The following LDLRAD3 variants were observed in gnomAD, a reference collection of about 807,000 sequenced individuals.
LDLRAD3 encodes low-density lipoprotein receptor class A domain-containing protein 3.
A neutral mutation model predicts 29.4 loss-of-function variants in LDLRAD3; 20 were observed. That is an observed-to-expected ratio of 0.68 (90% CI 0.48 to 0.99). The LOEUF is 0.99. LDLRAD3 is among the 50% of genes least tolerant of loss of function. The probability of loss-of-function intolerance (pLI) is 0.00; values close to 1 mark genes in which losing one functional copy is unlikely to be tolerated. For synonymous variants in LDLRAD3, 157 were observed against 192.7 expected, an observed-to-expected ratio of 0.81 and a Z score of 1.53; for missense variants, 420 against 454.3, an observed-to-expected ratio of 0.92 and a Z score of 0.69.
At chr11:36,026,606 C>A (rs191328606) in intron 1 of LDLRAD3, among the ~76,000 whole-genome samples, 17 of 152,282 alleles carry the variant, frequency 1.1e-4, no homozygotes, top group African/African-American at 3.9e-4. Context: ...CCTGCTGATA[C>A]AACAGATTTC....
intron 1 of LDLRAD3, among the ~76,000 whole-genome samples, chr11:35,947,133 T>G (rs1851067264): frequency 6.6e-6 from 1 of 152,204 alleles, no homozygotes; most frequent in South Asian, 2.1e-4. Context: ...AAGTTGAAAG[T>G]GGACTTGTAT....
intron 4 of LDLRAD3, among the ~76,000 whole-genome samples, chr11:36,141,026 C>CTCTCTCTG: frequency 6.9e-6 from 1 of 144,984 alleles, no homozygotes; most frequent in Non-Finnish European, 1.5e-5. Flanking sequence ...CTCTCTCTCT[C>CTCTCTCTG]TCTCTCTCTC....
chr11:36,207,518 C>T (rs1855227065), intron 4 of LDLRAD3, among the ~76,000 whole-genome samples: 1 of 152,074 alleles, frequency 6.6e-6, no homozygotes, highest in African/African-American at 2.4e-5. Context: ...GGCATGGTGG[C>T]ATGCACCTGG....
Position 36,093,198 on chromosome 11 carries a change from A to G in LDLRAD3, c.320-5129A>G, listed in dbSNP as rs7926839. Among the ~76,000 whole-genome samples, 885 of 152,358 alleles carry G rather than the reference A, an allele frequency of 5.8e-3. 6 individuals carry two copies. Among genetic ancestry groups the G allele is most frequent in the African/African-American group, 0.02 (837 of 41,580 alleles). On this transcript the variant is annotated intron_variant, in intron 3 of 5. Transcript: ENST00000315571. Reference sequence around the variant, plus strand: ...GACTAGACGTTCAAAAATGTTTAGCAAAGTTTCTCAAACATACTGAAAAGG... The same window carrying G: ...GACTAGACGTTCAAAAATGTTTAGCGAAGTTTCTCAAACATACTGAAAAGG...
At chr11:36,097,443 C>G (rs1853377130) in intron 3 of LDLRAD3, among the ~76,000 whole-genome samples, 2 of 152,206 alleles carry the variant, frequency 1.3e-5, no homozygotes, top group Non-Finnish European at 2.9e-5. Flanking sequence ...ATGCTACCAG[C>G]CATTCACTCT....
At position 36,038,974 on chromosome 11, in the gene LDLRAD3, T is replaced by TC. The variant is rs55908974; in HGVS notation, c.193+2725_193+2726insC. Among the ~76,000 whole-genome samples the TC allele has an allele frequency of 2.3e-4, 32 of 141,412 alleles. 1 individual carries two copies. Among genetic ancestry groups the TC allele is most frequent in the Non-Finnish European group, 3.0e-4 (19 of 62,950 alleles). The allele number at this position is 141,412 out of a possible 152,430, so 92.8% of individuals were successfully genotyped here. ...TACTTTCATTTAAAATTTCTTTCTTTTTTTTTTTTTTTTAGACGGAGTCTT... is the reference window on the plus strand; with the variant it reads ...TACTTTCATTTAAAATTTCTTTCTTTCTTTTTTTTTTTTTAGACGGAGTCTT... On this transcript the variant is annotated intron_variant, in intron 2 of 5. Transcript: ENST00000315571.
chr11:36,064,479 ATT>A (rs34464861), intron 2 of LDLRAD3, among the ~76,000 whole-genome samples: 34,807 of 120,042 alleles, frequency 0.29, 4,482 homozygotes, highest in Non-Finnish European at 0.38. Flanking sequence ...TGGCTAATTA[ATT>A]TTTTTTTTTT....
intron 4 of LDLRAD3, among the ~76,000 whole-genome samples, chr11:36,214,155 G>A (rs534317959): frequency 3.3e-5 from 5 of 152,316 alleles, no homozygotes; most frequent in South Asian, 2.1e-4. Flanking sequence ...TGTTCTAGGC[G>A]TGGCTGGCTA....
rs977139033 is a variant in LDLRAD3 at position 36,076,588 on chromosome 11, A to G, written c.194-5065A>G. Among the ~76,000 whole-genome samples the G allele has an allele frequency of 6.6e-5, 10 of 152,248 alleles. No homozygotes were observed. In the East Asian group the frequency reaches 1.9e-3, roughly 29 times the overall value. ...TATGTAGTAGAGACGAGGTTTCACC[A>G]TCTTGGCCAGGCTGGTCTTGAACTC... On this transcript the variant is annotated intron_variant, in intron 2 of 5. Coordinates refer to ENST00000315571, the MANE Select transcript of LDLRAD3 (RefSeq NM_174902.4).
At chr11:35,984,930 T>A (rs1851589915) in intron 1 of LDLRAD3, among the ~76,000 whole-genome samples, 1 of 145,952 alleles carries the variant, frequency 6.9e-6, no homozygotes, top group Admixed American at 6.7e-5. Context: ...GCATCCTGCC[T>A]GTTCTTTTTT....
At chr11:36,170,273 CAT>C (rs1854576741) in intron 4 of LDLRAD3, among the ~76,000 whole-genome samples, 1 of 146,240 alleles carries the variant, frequency 6.8e-6, no homozygotes, top group South Asian at 2.2e-4. Flanking sequence ...TATATATACA[CAT>C]ATATGTACAT....
chr11:36,081,498 G>A (rs1458522483), intron 2 of LDLRAD3, among the ~76,000 whole-genome samples, 155 bp from the exon 3 acceptor site: 2 of 152,244 alleles, frequency 1.3e-5, no homozygotes, highest in East Asian at 1.9e-4. Flanking sequence ...ATCTGGCTGG[G>A]TGTTTGAGGT....
At chr11:36,054,805 G>T (rs1852584502) in intron 2 of LDLRAD3, among the ~76,000 whole-genome samples, 1 of 147,154 alleles carries the variant, frequency 6.8e-6, no homozygotes, top group Non-Finnish European at 1.5e-5. Context: ...TGGATGGATG[G>T]ATGATGTGTG....
At chr11:36,100,933 C>T (rs1441250323) in intron 4 of LDLRAD3, among the ~76,000 whole-genome samples, 2 of 152,174 alleles carry the variant, frequency 1.3e-5, no homozygotes, top group Non-Finnish European at 2.9e-5. Flanking sequence ...TGGTGGGTCC[C>T]TCTGTAGGCT....
chr11:36,096,766 G>C (rs1264411487), intron 3 of LDLRAD3, among the ~76,000 whole-genome samples: 1 of 152,264 alleles, frequency 6.6e-6, no homozygotes, highest in African/African-American at 2.4e-5. Context: ...TTGCCATCTT[G>C]AGTTTTTAAA....
intron 2 of LDLRAD3, among the ~76,000 whole-genome samples, chr11:36,076,174 C>A (rs1434864420): frequency 1.3e-5 from 2 of 151,996 alleles, no homozygotes; most frequent in South Asian, 4.1e-4. Flanking sequence ...GTGCATTATC[C>A]CTTACATACA....
intron 4 of LDLRAD3, among the ~76,000 whole-genome samples, chr11:36,108,318 T>TAAAAA (rs1853559800): frequency 5.8e-5 from 1 of 17,298 alleles, no homozygotes; most frequent in African/African-American, 2.5e-4. Context: ...AGACTCCATC[T>TAAAAA]CAAAAAAAAA....
intron 2 of LDLRAD3, among the ~76,000 whole-genome samples, chr11:36,053,703 C>T (rs866776193): frequency 6.6e-6 from 1 of 152,158 alleles, no homozygotes; most frequent in South Asian, 2.1e-4. Flanking sequence ...GACTTATGTT[C>T]ATGGTTAAGG....
chr11:36,019,802 A>T (rs1852071078), intron 1 of LDLRAD3, among the ~76,000 whole-genome samples: 2 of 152,174 alleles, frequency 1.3e-5, no homozygotes, highest in African/African-American at 4.8e-5. Flanking sequence ...CATGGGGAGA[A>T]GGTGAATCAA....
Sources: gnomAD v4.1 joint callset for allele counts (sites outside exome capture counted in the v4.1 genomes callset) on GRCh38, gnomAD v4.1.1 for gene constraint, MANE v1.5 for transcripts, NCBI Gene and HGNC (gene_info 2026-07-23, HGNC 2026-07-21) for gene names.